Variants in HDAC9 observed in about 807,000 individuals in gnomAD.
HDAC9 encodes the protein MEF-2 interacting transcription repressor (MITR) protein.
In HDAC9, 41 loss-of-function variants were observed where a neutral mutation model predicts 139.4. That is an observed-to-expected ratio of 0.29 (90% CI 0.23 to 0.38). The LOEUF is 0.38. HDAC9 is among the 10% of genes least tolerant of loss of function. The pLI is 1.00. For missense variants in HDAC9, 1,147 were observed against 1,297.0 expected, an observed-to-expected ratio of 0.88 and a Z score of 1.78; for synonymous variants, 517 against 476.2, an observed-to-expected ratio of 1.09 and a Z score of -1.12.
At chr7:18,719,051 T>C (rs534055688) in intron 12 of HDAC9, among the ~76,000 whole-genome samples, 1 of 152,340 alleles carries the variant, frequency 6.6e-6, no homozygotes, top group Admixed American at 6.5e-5. Flanking sequence ...CAAGCCTATC[T>C]TTTTTAGACA....
chr7:18,270,139 CTG>C (rs553935200), intron 2 of HDAC9, among the ~76,000 whole-genome samples: 1 of 151,992 alleles, frequency 6.6e-6, no homozygotes, highest in Non-Finnish European at 1.5e-5. Flanking sequence ...GGTTGGGGCA[CTG>C]TGTAGTGGCA....
At chr7:18,319,388 C>T (rs1799874522) in intron 1 of HDAC9, among the ~76,000 whole-genome samples, 2 of 152,178 alleles carry the variant, frequency 1.3e-5, no homozygotes, top group Admixed American at 6.5e-5. Flanking sequence ...AATAAAAGCT[C>T]ATCTAGCAAC....
chr7:18,812,838 T>C (rs929790475), intron 17 of HDAC9, among the ~76,000 whole-genome samples: 12 of 152,046 alleles, frequency 7.9e-5, no homozygotes, highest in Admixed American at 7.2e-4. Flanking sequence ...GTTCATTTTC[T>C]TGAGTCTCAT....
intron 12 of HDAC9, among the ~76,000 whole-genome samples, chr7:18,688,192 TA>T (rs754971958): frequency 6.6e-6 from 1 of 151,744 alleles, no homozygotes; most frequent in Non-Finnish European, 1.5e-5. Context: ...ACAAGTGGAA[TA>T]AAAAATAGGA....
At chr7:18,138,851 A>G (rs1340343521) in intron 1 of HDAC9, among the ~76,000 whole-genome samples, 2 of 152,160 alleles carry the variant, frequency 1.3e-5, no homozygotes, top group African/African-American at 4.8e-5. Context: ...CTCTCAATTC[A>G]GAGTACTGGA....
chr7:18,169,361 A>G (rs546230455), intron 2 of HDAC9, among the ~76,000 whole-genome samples: 2 of 151,954 alleles, frequency 1.3e-5, no homozygotes, highest in East Asian at 1.9e-4. Context: ...TCTTTAGTCT[A>G]TAGATTTACA....
intron 1 of HDAC9, among the ~76,000 whole-genome samples, chr7:18,301,155 G>A (rs1056532369): frequency 2.0e-5 from 3 of 151,006 alleles, no homozygotes; most frequent in Non-Finnish European, 4.4e-5. Flanking sequence ...TACTCATTTT[G>A]TGTGAAATTA....
chr7:18,456,368 C>G (rs187171741), intron 1 of HDAC9, among the ~76,000 whole-genome samples: 4 of 152,244 alleles, frequency 2.6e-5, no homozygotes, highest in Admixed American at 2.0e-4. Flanking sequence ...TCCCAAGTTA[C>G]TGGGACACAG....
chr7:18,356,306 T>A (rs1365238646), intron 1 of HDAC9, among the ~76,000 whole-genome samples: 2 of 150,660 alleles, frequency 1.3e-5, no homozygotes, highest in African/African-American at 4.9e-5. Flanking sequence ...TCCTTTCAGT[T>A]TTTAATAGGT....
chr7:18,700,552 C>A (rs1177783979), intron 12 of HDAC9, among the ~76,000 whole-genome samples: 2 of 152,174 alleles, frequency 1.3e-5, no homozygotes, highest in African/African-American at 2.4e-5. Context: ...TTTGGAGGAA[C>A]AGTATTGAGT....
At chr7:18,665,070 T>C (rs1282132806) in intron 11 of HDAC9, among the ~76,000 whole-genome samples, 2 of 152,174 alleles carry the variant, frequency 1.3e-5, no homozygotes, top group African/African-American at 4.8e-5. Flanking sequence ...GAGGCTGAGG[T>C]GTCCATCTAA....
rs117222330 is a variant in HDAC9, at chr7:18,523,643, G to A, written c.22+27319G>A. 3.3e-5 allele frequency among the ~76,000 whole-genome samples: 5 copies of A among 152,312 alleles called. No homozygotes were observed. The East Asian group carries it at 9.6e-4, about 29-fold the overall frequency. On this transcript the variant is annotated intron_variant, in intron 2 of 25. Transcript: ENST00000686413. ...ATGTATATGTGTGTGTGTGTTGGGA[G>A]ACTGATAATAAATTATAAATGTACA...
chr7:18,368,703 A>C (rs1784372033), intron 1 of HDAC9, among the ~76,000 whole-genome samples: 1 of 152,014 alleles, frequency 6.6e-6, no homozygotes, highest in Admixed American at 6.6e-5. Context: ...CACTTGAGTA[A>C]TATTGGAAAA....
chr7:18,582,091 A>G (rs748274282), intron 2 of HDAC9, among the ~76,000 whole-genome samples: 1 of 152,228 alleles, frequency 6.6e-6, no homozygotes, highest in Non-Finnish European at 1.5e-5. Context: ...CAGCAAGGAC[A>G]TTTAAGTATA....
intron 1 of HDAC9, among the ~76,000 whole-genome samples, chr7:18,441,935 C>CT (rs944949119): frequency 8.6e-5 from 13 of 151,738 alleles, no homozygotes; most frequent in South Asian, 2.1e-4. Context: ...GCCCGGCTAA[C>CT]TTTTTTTTGT....
chr7:18,705,003 G>C (rs2129107129), intron 12 of HDAC9, among the ~76,000 whole-genome samples: 1 of 152,234 alleles, frequency 6.6e-6, no homozygotes, highest in East Asian at 1.9e-4. Flanking sequence ...TAACTTTCTA[G>C]TAGTCAATTA....
intron 16 of HDAC9, among the ~76,000 whole-genome samples, chr7:18,778,860 A>G (rs1400333963): frequency 1.3e-5 from 2 of 152,098 alleles, no homozygotes; most frequent in African/African-American, 4.8e-5. Context: ...AAGAGTGACT[A>G]GAAATTGCAC....
At chr7:18,179,091 G>T (rs905997423) in intron 2 of HDAC9, among the ~76,000 whole-genome samples, 2 of 152,234 alleles carry the variant, frequency 1.3e-5, no homozygotes, top group Admixed American at 1.3e-4. Context: ...TTTCATATTT[G>T]CCCAGGAAGC....
chr7:18,427,754 G>A (rs890019696), intron 1 of HDAC9, among the ~76,000 whole-genome samples: 2 of 150,630 alleles, frequency 1.3e-5, no homozygotes, highest in Admixed American at 1.3e-4. Flanking sequence ...TTAAGAGGGT[G>A]AGACCCACCC....
Sources: allele counts gnomAD v4.1 joint callset (sites outside exome capture counted in the v4.1 genomes callset), GRCh38; gene constraint gnomAD v4.1.1; transcripts MANE v1.5; gene names NCBI Gene and HGNC (gene_info 2026-07-23, HGNC 2026-07-21).